NAV3: variants seen among roughly 807,000 people sequenced by gnomAD.
The protein encoded by NAV3 is neuron navigator 3.
In NAV3, 87 loss-of-function variants were observed where a neutral mutation model predicts 244.7. The observed-to-expected ratio is 0.36, with a 90% CI of 0.30 to 0.42. The LOEUF (loss-of-function observed/expected upper bound fraction) is 0.42, where lower values mean the gene tolerates loss of function less well. Among genes scored for constraint, NAV3 ranks in the 20% least tolerant of loss-of-function variants. The pLI, the probability that NAV3 is intolerant of heterozygous loss-of-function variation, is 1.00. For synonymous variants in NAV3, 1,126 were observed against 1,042.2 expected (o/e 1.08, Z -1.55); for missense variants, 2,663 against 2,893.3 (o/e 0.92, Z 1.83).
chr12:77,679,931 G>A (rs1319598550), intron 2 of NAV3, among the ~76,000 whole-genome samples: 2 of 152,124 alleles, frequency 1.3e-5, no homozygotes, highest in South Asian at 2.1e-4. Flanking sequence ...GCTTACCATC[G>A]AACCAGAAGT....
intron 4 of NAV3, 107 bp from the exon 5 acceptor site, chr12:77,968,412 T>A: frequency 1.2e-6 from 1 of 861,952 alleles, no homozygotes; most frequent in South Asian, 1.5e-5. Flanking sequence ...AGAATTAAGT[T>A]GTATCTCTGT....
chr12:77,808,920 G>C (rs571836782), intron 2 of NAV3, among the ~76,000 whole-genome samples: 3 of 152,324 alleles, frequency 2.0e-5, no homozygotes, highest in African/African-American at 7.2e-5. Context: ...TGGCCTTGCG[G>C]AGCTGCGGTG....
intron 23 of NAV3, among the ~76,000 whole-genome samples, chr12:78,168,243 G>C (rs1450939825): frequency 2.0e-5 from 3 of 151,586 alleles, no homozygotes; most frequent in Admixed American, 6.6e-5. Context: ...AGGAATTAGG[G>C]GTAAGTTCCA....
intron 2 of NAV3, among the ~76,000 whole-genome samples, chr12:77,703,170 C>T (rs756750816): frequency 6.6e-6 from 1 of 152,032 alleles, no homozygotes. Context: ...TTTTCTCAGA[C>T]ATCTTTGAAG....
chr12:77,579,026 G>C (rs1869226198), intron 2 of NAV3, among the ~76,000 whole-genome samples: 1 of 152,088 alleles, frequency 6.6e-6, no homozygotes, highest in Admixed American at 6.5e-5. Flanking sequence ...AGTTCCCTGT[G>C]AGGAAGCTAT....
chr12:77,641,681 G>A (rs1491048), intron 2 of NAV3, among the ~76,000 whole-genome samples: 27,072 of 151,828 alleles, frequency 0.18, 2,505 homozygotes, highest in Admixed American at 0.24. Flanking sequence ...AAGTATTTAT[G>A]AATACATAAC....
intron 9 of NAV3, among the ~76,000 whole-genome samples, chr12:78,033,144 T>C (rs548600149): frequency 1.3e-5 from 2 of 152,132 alleles, no homozygotes; most frequent in Non-Finnish European, 2.9e-5. Context: ...GATAAGCGAA[T>C]GGTTACATGT....
intron 2 of NAV3, among the ~76,000 whole-genome samples, chr12:77,763,881 T>C (rs542725107): frequency 6.6e-6 from 1 of 152,248 alleles, no homozygotes; most frequent in African/African-American, 2.4e-5. Flanking sequence ...CCCATCCAGA[T>C]AGTACTACAG....
At chr12:78,118,896 A>G (rs1395689338) in intron 14 of NAV3, among the ~76,000 whole-genome samples, 1 of 152,254 alleles carries the variant, frequency 6.6e-6, no homozygotes, top group Non-Finnish European at 1.5e-5. Flanking sequence ...CTCCAAATAT[A>G]ATCATCTCAC....
intron 2 of NAV3, among the ~76,000 whole-genome samples, chr12:77,662,486 T>C (rs1873507280): frequency 6.6e-6 from 1 of 151,242 alleles, no homozygotes; most frequent in South Asian, 2.1e-4. Context: ...AACTTTTTTG[T>C]AAATCCCATA....
At chr12:78,043,049 A>T (rs1415651607) in intron 9 of NAV3, among the ~76,000 whole-genome samples, 2 of 152,060 alleles carry the variant, frequency 1.3e-5, no homozygotes, top group African/African-American at 4.8e-5. Context: ...CGTCATCTAC[A>T]TTAGGTATTT....
intron 2 of NAV3, among the ~76,000 whole-genome samples, chr12:77,657,468 G>A (rs1302128205): frequency 6.6e-6 from 1 of 152,090 alleles, no homozygotes; most frequent in African/African-American, 2.4e-5. Flanking sequence ...ATAATCAATA[G>A]CTTACCCACC....
chr12:77,811,578 G>A lies in NAV3; in HGVS notation c.73-128741G>A, dbSNP rs1459508654. Among the ~76,000 whole-genome samples, 7 of 152,282 alleles carry A rather than the reference G, an allele frequency of 4.6e-5. No homozygotes were observed. In the South Asian group the frequency reaches 1.0e-3, roughly 23 times the overall value. On this transcript the variant is annotated intron_variant, in intron 2 of 8. Coordinates refer to the NAV3 transcript ENST00000550042. ...CATTTGTCAGAAGGGGCTCACCTAA[G>A]CTTTCCCAGCACCTAACATAATGCA...
intron 36 of NAV3, chr12:78,199,086 C>G: frequency 1.7e-6 from 1 of 598,396 alleles, no homozygotes. Context: ...AGCATTTAGA[C>G]TCCCACTCAC....
At chr12:78,061,640 T>C (rs1247401541) in intron 12 of NAV3, among the ~76,000 whole-genome samples, 8 of 152,136 alleles carry the variant, frequency 5.3e-5, no homozygotes, top group Admixed American at 1.3e-4. Flanking sequence ...ACTCGGGATG[T>C]ATATCATTTT....
At chr12:77,821,626 C>T (rs184879479) in intron 2 of NAV3, among the ~76,000 whole-genome samples, 67 of 152,200 alleles carry the variant, frequency 4.4e-4, no homozygotes, top group Admixed American at 1.8e-3. Flanking sequence ...TGGTGTGCCA[C>T]TCTTTTATGT....
intron 28 of NAV3, among the ~76,000 whole-genome samples, chr12:78,177,905 T>A (rs1283486645): frequency 7.5e-6 from 1 of 133,026 alleles, no homozygotes; most frequent in African/African-American, 2.6e-5. Context: ...GATAGCCCAC[T>A]TTTTGGTAGT....
intron 2 of NAV3, among the ~76,000 whole-genome samples, chr12:77,645,269 A>AT (rs151191774): frequency 0.16 from 23,389 of 150,592 alleles, 2,351 homozygotes; most frequent in Admixed American, 0.22. Context: ...AAATCTTATG[A>AT]TTTTTTTTTT....
intron 12 of NAV3, among the ~76,000 whole-genome samples, chr12:78,075,137 C>A (rs570125531): frequency 6.6e-6 from 1 of 152,132 alleles, no homozygotes; most frequent in Non-Finnish European, 1.5e-5. Flanking sequence ...ATATCTGACA[C>A]GTGCTTACTG....
Sources: gnomAD v4.1 joint callset for allele counts (sites outside exome capture counted in the v4.1 genomes callset) on GRCh38, gnomAD v4.1.1 for gene constraint, MANE v1.5 for transcripts, NCBI Gene and HGNC (gene_info 2026-07-23, HGNC 2026-07-21) for gene names.